The following SRPX variants were observed in gnomAD, a reference collection of about 807,000 sequenced individuals.
SRPX encodes the protein sushi repeat containing protein X-linked.
In SRPX, 24 loss-of-function variants were observed where a neutral mutation model predicts 38.1. The ratio of observed to expected loss-of-function variants is 0.63; its 90% CI spans 0.46 to 0.89. The LOEUF (loss-of-function observed/expected upper bound fraction) is 0.89, where lower values mean the gene tolerates loss of function less well. Among genes scored for constraint, SRPX ranks in the 40% least tolerant of loss-of-function variants. SRPX has a pLI of 0.00. For synonymous variants in SRPX, 184 were observed against 153.8 expected (o/e 1.20, Z -1.45); for missense variants, 416 against 377.8 (o/e 1.10, Z -0.84).
intron 1 of SRPX, among the ~76,000 whole-genome samples, chrX:38,192,110 A>G (rs1016562956): frequency 8.9e-6 from 1 of 111,794 alleles, no homozygotes; most frequent in Non-Finnish European, 1.9e-5. Context: ...GCCCAGCTAA[A>G]GAGAGCCCCA....
rs1221998822 is a variant in SRPX, at chrX:38,194,930, T to C, written c.98-16586A>G. ...CTCTGTCACCCAGGCTGGAGTGCAG[T>C]GGCGCGATCTTGGCTCACTGCAACA... On this transcript the variant is annotated intron_variant, in intron 1 of 9. Transcript: ENST00000378533. Among the ~76,000 whole-genome samples the C allele has an allele frequency of 6.5e-5, 6 of 92,782 alleles. No homozygotes were observed. The East Asian group carries it at 1.7e-3, about 26-fold the overall frequency. 80.6% of individuals were successfully genotyped at this position (92,782 alleles called of 115,157 possible). A position where few individuals can be genotyped will look rare whatever the true frequency, so the allele number is the denominator to read the frequency against.
intron 2 of SRPX, among the ~76,000 whole-genome samples, chrX:38,175,520 T>G (rs1034071135): frequency 2.7e-5 from 3 of 111,469 alleles, no homozygotes; most frequent in African/African-American, 9.8e-5. Context: ...ACTTTCTCTT[T>G]TTTTTTTCTT....
At chrX:38,208,853 T>C (rs905385192) in intron 1 of SRPX, among the ~76,000 whole-genome samples, 23 of 100,901 alleles carry the variant, frequency 2.3e-4, no homozygotes, top group East Asian at 3.0e-4. Flanking sequence ...AATTTCTTTT[T>C]TTTTTTTTTT....
At position 38,198,519 on chromosome X, in the gene SRPX, C is replaced by T. The variant is rs192131786; in HGVS notation, c.98-20175G>A. On this transcript the variant is annotated intron_variant, in intron 1 of 9. Coordinates refer to ENST00000378533, the MANE Select transcript of SRPX (RefSeq NM_006307.5). Reference sequence around the variant, plus strand: ...AATGATGAATCCAGATATGCCCTGGCTTATTAGGAACACTCACAGTGACTA... The same window carrying T: ...AATGATGAATCCAGATATGCCCTGGTTTATTAGGAACACTCACAGTGACTA... 1.1e-4 allele frequency among the ~76,000 whole-genome samples: 12 copies of T among 112,032 alleles called. No homozygotes were observed. In the East Asian group the frequency reaches 3.4e-3, roughly 31 times the overall value.
intron 8 of SRPX, among the ~76,000 whole-genome samples, chrX:38,156,564 C>T (rs1420948918): frequency 8.9e-6 from 1 of 111,852 alleles, no homozygotes; most frequent in African/African-American, 3.3e-5. Flanking sequence ...GGGCAGGCAA[C>T]CAATTGATTG....
intron 1 of SRPX, among the ~76,000 whole-genome samples, chrX:38,178,925 C>T (rs1009030277): frequency 9.5e-4 from 102 of 107,561 alleles, no homozygotes; most frequent in South Asian, 8.4e-4. Flanking sequence ...CTCTCATGAA[C>T]GTATGGCTCA....
At chrX:38,173,780 T>C (rs1361560137) in intron 3 of SRPX, among the ~76,000 whole-genome samples, 3 of 112,029 alleles carry the variant, frequency 2.7e-5, no homozygotes, top group African/African-American at 9.7e-5. Flanking sequence ...TGCTACCATA[T>C]GTCCCTGACT....
At chrX:38,199,700 T>G (rs1350978039) in intron 1 of SRPX, among the ~76,000 whole-genome samples, 1 of 107,797 alleles carries the variant, frequency 9.3e-6, no homozygotes, top group Non-Finnish European at 1.9e-5. Context: ...TCCTAGAGCG[T>G]GAGCAGGATA....
intron 6 of SRPX, among the ~76,000 whole-genome samples, chrX:38,160,417 A>G (rs1278566247): frequency 8.9e-6 from 1 of 112,129 alleles, no homozygotes. Flanking sequence ...TTTCGCCCCT[A>G]GTGTTATAGA....
chrX:38,202,712 A>T (rs5918497), intron 1 of SRPX, among the ~76,000 whole-genome samples: 41,470 of 111,266 alleles, frequency 0.37, 5,956 homozygotes, highest in East Asian at 0.69. Context: ...GTATAACTCT[A>T]CACATAACTT....
At chrX:38,176,130 T>C (rs957524018) in intron 2 of SRPX, among the ~76,000 whole-genome samples, 4 of 111,151 alleles carry the variant, frequency 3.6e-5, no homozygotes, top group African/African-American at 1.3e-4. Flanking sequence ...GTAATGAAAG[T>C]TAGGTGAATG....
At chrX:38,188,501 A>G (rs779455322) in intron 1 of SRPX, among the ~76,000 whole-genome samples, 13 of 111,506 alleles carry the variant, frequency 1.2e-4, no homozygotes, top group Admixed American at 1.9e-4. Context: ...TAAAGAATAA[A>G]CCTTACTTTG....
intron 1 of SRPX, among the ~76,000 whole-genome samples, chrX:38,191,541 GACACACACAC>G (rs10570334): frequency 9.5e-6 from 1 of 105,249 alleles, no homozygotes; most frequent in East Asian, 3.0e-4. Flanking sequence ...ATTATACACA[GACACACACAC>G]ACACACACAC....
Position 38,160,193 on chromosome X carries a change from TTGAC to T in SRPX, c.776-1_778del. 1 of 1,211,112 alleles carries T rather than the reference TTGAC, an allele frequency of 8.3e-7. No individual in the cohort carries two copies. Among genetic ancestry groups the T allele is most frequent in the South Asian group, 1.8e-5 (1 of 56,764 alleles). On this transcript the variant is annotated splice_acceptor_variant and coding_sequence_variant, in exon 7 of 10. Transcript: ENST00000378533. LOFTEE classifies it high-confidence loss of function. ...TGGGGCATTGAGTTTGCCACAGCGT[TTGAC>T]TGTAGGGACACAAGTCCAGAGGGGT...
chrX:38,150,009 G>C, intron 9 of SRPX, 115 bp from the exon 10 acceptor site: 1 of 621,197 alleles, frequency 1.6e-6, no homozygotes, highest in Non-Finnish European at 2.3e-6. Flanking sequence ...ATACAATGAA[G>C]GACTGAATCA....
intron 5 of SRPX, among the ~76,000 whole-genome samples, chrX:38,161,722 T>C (rs893131658): frequency 8.9e-6 from 1 of 112,125 alleles, no homozygotes; most frequent in Admixed American, 9.5e-5. Context: ...GGTAGTATTA[T>C]CTCTGATTCA....
chrX:38,216,280 CTA>C (rs972980562), intron 1 of SRPX, among the ~76,000 whole-genome samples: 1 of 112,413 alleles, frequency 8.9e-6, no homozygotes, highest in Non-Finnish European at 1.9e-5. Flanking sequence ...CCTGAAATAA[CTA>C]TGTCTCTATT....
At chrX:38,161,958 AC>A (rs1395801405) in intron 5 of SRPX, among the ~76,000 whole-genome samples, 1 of 112,193 alleles carries the variant, frequency 8.9e-6, no homozygotes, top group Non-Finnish European at 1.9e-5. Flanking sequence ...TATCATTGTC[AC>A]CATTGAGGAA....
intron 1 of SRPX, among the ~76,000 whole-genome samples, chrX:38,211,911 C>G (rs746131988): frequency 4.3e-4 from 48 of 110,870 alleles, no homozygotes; most frequent in Non-Finnish European, 8.1e-4. Context: ...TCACTCATCT[C>G]CCAAGGTGCT....
Sources: gnomAD v4.1 joint callset for allele counts (sites outside exome capture counted in the v4.1 genomes callset) on GRCh38, gnomAD v4.1.1 for gene constraint, MANE v1.5 for transcripts, NCBI Gene and HGNC (gene_info 2026-07-23, HGNC 2026-07-21) for gene names.